MPP7: variants seen among roughly 807,000 people sequenced by gnomAD.
MPP7 encodes the protein MAGUK p55 scaffold protein 7.
Under a neutral mutation model 76.5 loss-of-function variants are expected in MPP7, and 60 were observed. The observed-to-expected ratio is 0.78, with a 90% CI of 0.64 to 0.97. MPP7 has a LOEUF of 0.97. Ranked by LOEUF, MPP7 falls within the 50% of genes least tolerant of loss-of-function variation. The pLI is 0.00. For synonymous variants in MPP7, 237 were observed against 244.5 expected (o/e 0.97, Z 0.29); for missense variants, 641 against 694.0 (o/e 0.92, Z 0.86).
chr10:28,117,771 T>C (rs578169709), intron 11 of MPP7, among the ~76,000 whole-genome samples: 1 of 152,242 alleles, frequency 6.6e-6, no homozygotes, highest in East Asian at 1.9e-4. Flanking sequence ...GCTGCCTATT[T>C]GTCACAGAAA....
At chr10:28,245,835 C>T (rs1839415838) in intron 1 of MPP7, among the ~76,000 whole-genome samples, 2 of 148,800 alleles carry the variant, frequency 1.3e-5, no homozygotes, top group Non-Finnish European at 3.0e-5. Flanking sequence ...CTTACAAATA[C>T]AATAATGGAA....
chr10:28,301,239 GT>G (rs1440250517), intron 1 of MPP7, among the ~76,000 whole-genome samples: 3 of 152,136 alleles, frequency 2.0e-5, no homozygotes, highest in African/African-American at 7.2e-5. Context: ...CACTTCATTA[GT>G]ATTTTCCTTC....
intron 10 of MPP7, among the ~76,000 whole-genome samples, 200 bp from the exon 11 acceptor site, chr10:28,119,915 C>CT (rs944964399): frequency 1.1e-4 from 16 of 149,138 alleles, no homozygotes; most frequent in South Asian, 2.1e-4. Flanking sequence ...AACCACTGGT[C>CT]TTTTTTTTTT....
intron 1 of MPP7, among the ~76,000 whole-genome samples, chr10:28,300,266 A>C (rs1321550291): frequency 1.3e-5 from 2 of 152,194 alleles, no homozygotes; most frequent in Admixed American, 6.5e-5. Flanking sequence ...TTAAAGAAAA[A>C]AGTCACAGAA....
intron 3 of MPP7, among the ~76,000 whole-genome samples, chr10:28,159,604 A>G (rs1367699579): frequency 2.0e-5 from 3 of 152,270 alleles, no homozygotes; most frequent in Non-Finnish European, 4.4e-5. Context: ...GAAGCAAATC[A>G]TGCCTCCCAC....
intron 3 of MPP7, among the ~76,000 whole-genome samples, chr10:28,156,023 A>C (rs1015475820): frequency 2.0e-5 from 3 of 152,240 alleles, no homozygotes; most frequent in African/African-American, 7.2e-5. Flanking sequence ...TGTTATCTCC[A>C]TAGAGAAAAG....
rs573660297 is a variant in MPP7, at chr10:28,291,946, C to T, written c.-132+10915G>A. 5.4e-4 allele frequency among the ~76,000 whole-genome samples: 82 copies of T among 152,282 alleles called. 1 individual carries two copies. The highest frequency in any genetic ancestry group is 2.0e-3 in the African/African-American group (82 of 41,556). ...GTGAGTGTACAGTCATGCCCTAGGC[C>T]TTCACATTCACTCACCACCCACTCA... On this transcript the variant is annotated intron_variant, in intron 1 of 16. Coordinates refer to ENST00000683449, the MANE Select transcript of MPP7 (RefSeq NM_001318170.2).
intron 10 of MPP7, among the ~76,000 whole-genome samples, chr10:28,119,967 A>T (rs773297736): frequency 2.0e-5 from 3 of 151,284 alleles, no homozygotes; most frequent in Non-Finnish European, 4.4e-5. Flanking sequence ...TTAATGTGCT[A>T]TTTTCCATTT....
intron 1 of MPP7, among the ~76,000 whole-genome samples, chr10:28,294,293 C>T (rs1005228847): frequency 1.3e-5 from 2 of 152,168 alleles, no homozygotes; most frequent in Admixed American, 6.5e-5. Context: ...GGGGACAGAG[C>T]AAGACTCCGT....
At chr10:28,228,031 C>G (rs944444121) in intron 2 of MPP7, among the ~76,000 whole-genome samples, 2 of 152,106 alleles carry the variant, frequency 1.3e-5, no homozygotes, top group Admixed American at 1.3e-4. Context: ...ACTACTTGCC[C>G]AACAATCTTA....
At position 28,062,531 on chromosome 10, in the gene MPP7, A is replaced by AACACACACACACAC. The variant is rs56923979; in HGVS notation, c.1205-2802_1205-2789dup. Reference sequence around the variant, plus strand: ...AAATTCAATCATTTCCATAATAGTAAACACACACACACACACACACACACA... The same window carrying AACACACACACACAC: ...AAATTCAATCATTTCCATAATAGTAAACACACACACACACACACACACACACACACACACACACA... On this transcript the variant is annotated intron_variant, in intron 13 of 16. Coordinates refer to ENST00000683449, the MANE Select transcript of MPP7 (RefSeq NM_001318170.2). Among the ~76,000 whole-genome samples, 41 of 132,382 alleles carry AACACACACACACAC rather than the reference A, an allele frequency of 3.1e-4. 1 individual carries two copies. The highest frequency in any genetic ancestry group is 1.1e-3 in the African/African-American group (39 of 36,094). 86.8% of individuals were successfully genotyped at this position (132,382 alleles called of 152,430 possible).
chr10:28,222,199 T>TAAA (rs561035603), intron 2 of MPP7, among the ~76,000 whole-genome samples: 1 of 142,530 alleles, frequency 7.0e-6, no homozygotes. Context: ...GTACTACGAT[T>TAAA]AAAAAAAAAA....
intron 2 of MPP7, chr10:28,236,692 G>T (rs1443034294): frequency 1.3e-5 from 2 of 152,046 alleles, no homozygotes; most frequent in East Asian, 1.9e-4. Context: ...TACACAGAAC[G>T]TATTTTCCCA....
intron 2 of MPP7, among the ~76,000 whole-genome samples, chr10:28,222,092 T>C (rs1838528931): frequency 6.6e-6 from 1 of 152,080 alleles, no homozygotes; most frequent in Non-Finnish European, 1.5e-5. Context: ...TGAACAATTC[T>C]ACATCAACAG....
chr10:28,170,815 T>C (rs569814682), intron 3 of MPP7, among the ~76,000 whole-genome samples: 6 of 152,306 alleles, frequency 3.9e-5, no homozygotes, highest in Admixed American at 3.9e-4. Flanking sequence ...TCAATGTTCA[T>C]TCATAGCTCA....
intron 2 of MPP7, among the ~76,000 whole-genome samples, chr10:28,310,147 A>G (rs1308958422): frequency 2.0e-5 from 3 of 151,752 alleles, no homozygotes; most frequent in Non-Finnish European, 4.4e-5. Context: ...GATTACAGGC[A>G]CCTGCCACCA....
chr10:28,056,630 G>C lies in MPP7; in HGVS notation c.1408-7C>G. ...TCCTTAAATGCTTCACTGTCTACAAGGAAGAAAAGAAAGTTTTCTCACATT... is the reference window on the plus strand; with the variant it reads ...TCCTTAAATGCTTCACTGTCTACAACGAAGAAAAGAAAGTTTTCTCACATT... On this transcript the variant is annotated splice_polypyrimidine_tract_variant and splice_region_variant and intron_variant, in intron 15 of 16. Coordinates refer to ENST00000683449, the MANE Select transcript of MPP7 (RefSeq NM_001318170.2). The C allele has an allele frequency of 6.5e-7, 1 of 1,541,056 alleles. No homozygotes were observed. Among genetic ancestry groups the C allele is most frequent in the Non-Finnish European group, 8.7e-7 (1 of 1,155,416 alleles).
chr10:28,261,942 G>A (rs1338585455), intron 1 of MPP7, among the ~76,000 whole-genome samples: 1 of 151,390 alleles, frequency 6.6e-6, no homozygotes, highest in African/African-American at 2.4e-5. Flanking sequence ...TTGAGGTCAA[G>A]AGTTCAAGAC....
chr10:28,226,374 G>A (rs895176328), intron 2 of MPP7, among the ~76,000 whole-genome samples: 4 of 152,092 alleles, frequency 2.6e-5, no homozygotes, highest in Non-Finnish European at 5.9e-5. Context: ...AGCCTCCTGA[G>A]TAGCTGGAAT....
Sources: allele counts gnomAD v4.1 joint callset (sites outside exome capture counted in the v4.1 genomes callset), GRCh38; gene constraint gnomAD v4.1.1; transcripts MANE v1.5; gene names NCBI Gene and HGNC (gene_info 2026-07-23, HGNC 2026-07-21).